RHAG: variants seen among roughly 807,000 people sequenced by gnomAD.
RHAG encodes the protein ammonium transporter Rh type A.
Under a neutral mutation model 42.4 loss-of-function variants are expected in RHAG, and 25 were observed. The ratio of observed to expected loss-of-function variants is 0.59; its 90% CI spans 0.43 to 0.82. The LOEUF is 0.82. RHAG is among the 40% of genes least tolerant of loss of function. The probability of loss-of-function intolerance (pLI) is 0.00; values close to 1 mark genes in which losing one functional copy is unlikely to be tolerated. For missense variants in RHAG, 483 were observed against 504.6 expected (o/e 0.96, Z 0.41); for synonymous variants, 182 against 177.7 (o/e 1.02, Z -0.19).
intron 7 of RHAG, among the ~76,000 whole-genome samples, chr6:49,610,401 T>G (rs1397432835): frequency 6.6e-6 from 1 of 152,222 alleles, no homozygotes; most frequent in African/African-American, 2.4e-5. Context: ...GTTTTTCCTC[T>G]GGTCATTTAA....
Position 49,606,829 on chromosome 6 carries a change from T to A in RHAG, c.1212+19A>T. 6.5e-7 allele frequency: 1 copy of A among 1,532,338 alleles called. No homozygotes were observed. The highest frequency in any genetic ancestry group is 9.0e-7 in the Non-Finnish European group (1 of 1,105,718). 94.9% of individuals were successfully genotyped at this position (1,532,338 alleles called of 1,614,324 possible). ...ATGGAGTCATCGTTCACATTCTTGT[T>A]TAGAATACTGTACAGTACCTTCCAA... On this transcript the variant is annotated intron_variant, in intron 9 of 9. Transcript: ENST00000371175.
chr6:49,613,660 G>T (rs1322242812), intron 5 of RHAG, among the ~76,000 whole-genome samples: 3 of 152,030 alleles, frequency 2.0e-5, no homozygotes, highest in Admixed American at 6.6e-5. Context: ...TCCTTTACTG[G>T]TGTTTCTCTA....
chr6:49,634,010 A>G (rs1462601946), intron 1 of RHAG, among the ~76,000 whole-genome samples: 1 of 152,106 alleles, frequency 6.6e-6, no homozygotes, highest in Non-Finnish European at 1.5e-5. Flanking sequence ...TAATATGTAT[A>G]CACATTTATG....
chr6:49,635,047 A>G (rs13198157), intron 1 of RHAG, among the ~76,000 whole-genome samples: 68,888 of 146,902 alleles, frequency 0.47, 16,415 homozygotes, highest in African/African-American at 0.54. Context: ...AGCAATATCC[A>G]CTCAGCAAAT....
intron 1 of RHAG, among the ~76,000 whole-genome samples, chr6:49,622,997 G>A (rs929425459): frequency 2.0e-5 from 3 of 150,400 alleles, no homozygotes; most frequent in Middle Eastern, 3.4e-3. Flanking sequence ...CACTACGCCT[G>A]GCTAATTTTT....
At chr6:49,624,735 C>G (rs1453287891) in intron 1 of RHAG, among the ~76,000 whole-genome samples, 1 of 152,124 alleles carries the variant, frequency 6.6e-6, no homozygotes, top group Admixed American at 6.5e-5. Context: ...TGAAATATAT[C>G]CAGAATAAAC....
chr6:49,611,562 C>T (rs1762568654), intron 6 of RHAG, among the ~76,000 whole-genome samples: 1 of 152,136 alleles, frequency 6.6e-6, no homozygotes, highest in Non-Finnish European at 1.5e-5. Flanking sequence ...CTTCTCCACC[C>T]AGAAGAAATT....
rs758951164 is a variant in RHAG at position 49,612,422 on chromosome 6, G to C, written c.920C>G (p.Ser307Cys). 11 of 1,614,100 alleles carry C rather than the reference G, an allele frequency of 6.8e-6. No individual in the cohort carries two copies. Among genetic ancestry groups the C allele is most frequent in the African/African-American group, 1.3e-5 (1 of 74,942 alleles). ...MIIGSIAGMV[S>C]VLGYKFLTPL... Reference sequence around the variant, plus strand: ...AGTCAGGAACTTGTATCCAAGCACAGAGACCATTCCTGCAATGCTCCCAAT... The same window carrying C: ...AGTCAGGAACTTGTATCCAAGCACACAGACCATTCCTGCAATGCTCCCAAT... Residue 307 changes from serine to cysteine, a missense_variant, in exon 6 of 10, where the codon TCT (serine) becomes TGT (cysteine). Ser to Cys is a moderately radical substitution (Grantham distance 112, BLOSUM62 -1). Coordinates refer to ENST00000371175, the MANE Select transcript of RHAG (RefSeq NM_000324.3).
At chr6:49,628,164 AG>A (rs1214366658) in intron 1 of RHAG, among the ~76,000 whole-genome samples, 1 of 40,918 alleles carries the variant, frequency 2.4e-5, no homozygotes, top group Non-Finnish European at 4.8e-5. Flanking sequence ...ACACACACAG[AG>A]AGAGAGAGAG....
chr6:49,634,173 G>A (rs1762973115), intron 1 of RHAG, among the ~76,000 whole-genome samples: 1 of 152,038 alleles, frequency 6.6e-6, no homozygotes, highest in African/African-American at 2.4e-5. Context: ...TATACAATAT[G>A]TTGTTGCTAA....
intron 7 of RHAG, among the ~76,000 whole-genome samples, chr6:49,609,551 T>G (rs1393528398): frequency 6.6e-6 from 1 of 152,182 alleles, no homozygotes; most frequent in African/African-American, 2.4e-5. Flanking sequence ...TAGTGTTTGA[T>G]CTCTACAGTC....
At chr6:49,622,008 C>G (rs1030961295) in intron 1 of RHAG, among the ~76,000 whole-genome samples, 4 of 148,226 alleles carry the variant, frequency 2.7e-5, no homozygotes, top group African/African-American at 1.0e-4. Context: ...TCTTAGAGCA[C>G]TCTGGTTCTG....
intron 1 of RHAG, among the ~76,000 whole-genome samples, chr6:49,634,278 C>A (rs1365643085): frequency 6.6e-6 from 1 of 152,104 alleles, no homozygotes; most frequent in Non-Finnish European, 1.5e-5. Flanking sequence ...TCATCACTTT[C>A]CCTGTTCCAA....
At chr6:49,618,281 C>T in intron 2 of RHAG, 63 bp from the exon 3 acceptor site, 1 of 1,572,630 alleles carries the variant, frequency 6.4e-7, no homozygotes, top group Non-Finnish European at 8.7e-7. Context: ...GACCAAAGTG[C>T]AATCCCATCT....
At chr6:49,609,693 T>C (rs1006222868) in intron 7 of RHAG, among the ~76,000 whole-genome samples, 3 of 152,344 alleles carry the variant, frequency 2.0e-5, no homozygotes, top group Middle Eastern at 3.4e-3. Context: ...GAAATATGAT[T>C]AAATGCGTTT....
At chr6:49,620,607 C>G (rs1762739254) in intron 1 of RHAG, among the ~76,000 whole-genome samples, 1 of 152,054 alleles carries the variant, frequency 6.6e-6, no homozygotes, top group Non-Finnish European at 1.5e-5. Flanking sequence ...ACTCGGCTCA[C>G]TGCAACCTCC....
Position 49,612,389 on chromosome 6 carries a change from G to A in RHAG, c.945+8C>T, listed in dbSNP as rs1177123040. ...CAGAGTTTGACTCAGAACATCTGCT[G>A]TACTTACAGTCAGGAACTTGTATCC... On this transcript the variant is annotated splice_region_variant and intron_variant, in intron 6 of 9. Coordinates refer to ENST00000371175, the MANE Select transcript of RHAG (RefSeq NM_000324.3). The A allele has an allele frequency of 6.2e-7, 1 of 1,614,024 alleles. No homozygotes were observed. The highest frequency in any genetic ancestry group is 8.5e-7 in the Non-Finnish European group (1 of 1,179,872).
At chr6:49,615,347 A>G (rs1762636958) in intron 4 of RHAG, 1 of 311,914 alleles carries the variant, frequency 3.2e-6, no homozygotes, top group Non-Finnish European at 6.0e-6. Context: ...AGCATAAAGT[A>G]GTATGCAAAA....
At chr6:49,619,613 T>G (rs1762719506) in intron 1 of RHAG, among the ~76,000 whole-genome samples, 1 of 152,220 alleles carries the variant, frequency 6.6e-6, no homozygotes. Context: ...AGTGTGTCTT[T>G]CATCCTGTCC....
Sources: gnomAD v4.1 joint callset for allele counts (sites outside exome capture counted in the v4.1 genomes callset) on GRCh38, gnomAD v4.1.1 for gene constraint, MANE v1.5 for transcripts, NCBI Gene and HGNC (gene_info 2026-07-23, HGNC 2026-07-21) for gene names.